The following PPP1R12B variants were observed in gnomAD, a reference collection of about 807,000 sequenced individuals.
The protein encoded by PPP1R12B is protein phosphatase 1 regulatory subunit 12B, also known as myosin phosphatase target subunit 2.
In PPP1R12B, 76 loss-of-function variants were observed where a neutral mutation model predicts 126.1. The ratio of observed to expected loss-of-function variants is 0.60; its 90% CI spans 0.50 to 0.73. The LOEUF is 0.73. Among genes scored for constraint, PPP1R12B ranks in the 30% least tolerant of loss-of-function variants. The pLI is 0.00. For synonymous variants in PPP1R12B, 356 were observed against 434.7 expected, an observed-to-expected ratio of 0.82 and a Z score of 2.25; for missense variants, 1,052 against 1,205.1, an observed-to-expected ratio of 0.87 and a Z score of 1.88.
intron 18 of PPP1R12B, among the ~76,000 whole-genome samples, chr1:202,512,694 G>A (rs151125491): frequency 3.0e-4 from 46 of 152,250 alleles, no homozygotes; most frequent in Non-Finnish European, 3.4e-4. Flanking sequence ...CAGCTCATAT[G>A]GTAGTATTTC....
intron 18 of PPP1R12B, among the ~76,000 whole-genome samples, chr1:202,505,498 G>A (rs1680706479): frequency 6.6e-6 from 1 of 151,998 alleles, no homozygotes; most frequent in Non-Finnish European, 1.5e-5. Context: ...TCTGCTGGAG[G>A]GTATCCAGCA....
At chr1:202,412,809 CA>C (rs1667585544) in intron 1 of PPP1R12B, among the ~76,000 whole-genome samples, 1 of 151,672 alleles carries the variant, frequency 6.6e-6, no homozygotes, top group South Asian at 2.1e-4. Flanking sequence ...CGTTTATTTA[CA>C]AAAAAGAAAA....
chr1:202,445,276 C>T, intron 12 of PPP1R12B: 1 of 1,203,216 alleles, frequency 8.3e-7, no homozygotes, highest in African/African-American at 1.6e-5. Flanking sequence ...AAGTTAATGG[C>T]TCTGAAAACA....
At position 202,495,558 on chromosome 1, in the gene PPP1R12B, A is replaced by T. The variant is rs1301766339; in HGVS notation, c.2336-12A>T. On this transcript the variant is annotated splice_polypyrimidine_tract_variant and intron_variant, in intron 16 of 23. Coordinates refer to ENST00000608999, the MANE Select transcript of PPP1R12B (RefSeq NM_002481.4). ...ATTCTTAAAGTTCATACTTTATTTT[A>T]TCTCTGGCCAGAGAATGAAGAAGCA... 32 of 1,613,330 alleles carry T rather than the reference A, an allele frequency of 2.0e-5. No individual in the cohort carries two copies. Among genetic ancestry groups the T allele is most frequent in the Non-Finnish European group, 2.7e-5 (32 of 1,179,334 alleles).
At chr1:202,548,769 G>A (rs1015199077) in intron 18 of PPP1R12B, among the ~76,000 whole-genome samples, 4 of 102,906 alleles carry the variant, frequency 3.9e-5, no homozygotes, top group African/African-American at 7.3e-5. Flanking sequence ...TCGCTCACTC[G>A]CTCGCTGTCT....
intron 18 of PPP1R12B, among the ~76,000 whole-genome samples, chr1:202,536,412 G>A (rs187532442): frequency 4.6e-5 from 7 of 152,204 alleles, no homozygotes; most frequent in Admixed American, 4.6e-4. Context: ...TAAAAATACT[G>A]GGTAAAAGAT....
chr1:202,365,315 G>T (rs536498136), intron 1 of PPP1R12B, among the ~76,000 whole-genome samples: 1 of 152,098 alleles, frequency 6.6e-6, no homozygotes, highest in East Asian at 1.9e-4. Flanking sequence ...AATTGTGGTC[G>T]CCTGCAGTTG....
intron 1 of PPP1R12B, among the ~76,000 whole-genome samples, chr1:202,402,428 G>T (rs1444695846): frequency 6.6e-6 from 1 of 152,172 alleles, no homozygotes; most frequent in Non-Finnish European, 1.5e-5. Flanking sequence ...GCAGTCTGAA[G>T]TTTGGACTAC....
intron 1 of PPP1R12B, among the ~76,000 whole-genome samples, chr1:202,361,471 A>C (rs1472393353): frequency 2.6e-5 from 4 of 152,180 alleles, no homozygotes; most frequent in Non-Finnish European, 5.9e-5. Flanking sequence ...TCTCCTGTGA[A>C]GAGAAGAACT....
intron 1 of PPP1R12B, among the ~76,000 whole-genome samples, chr1:202,354,400 G>A (rs1401455419): frequency 6.6e-6 from 1 of 152,086 alleles, no homozygotes; most frequent in African/African-American, 2.4e-5. Context: ...GCAAAACCTT[G>A]TCTTTACAAA....
At chr1:202,382,875 CA>C (rs764971866) in intron 1 of PPP1R12B, among the ~76,000 whole-genome samples, 3,389 of 85,016 alleles carry the variant, frequency 0.04, 23 homozygotes, top group Middle Eastern at 0.11. Context: ...GACTCTGTCT[CA>C]AAAAAAAAAA....
intron 13 of PPP1R12B, among the ~76,000 whole-genome samples, chr1:202,488,151 G>A (rs1244146802): frequency 2.6e-5 from 4 of 152,294 alleles, no homozygotes; most frequent in East Asian, 3.9e-4. Context: ...CATAAACACC[G>A]TGATATCACA....
At chr1:202,525,475 A>G (rs1373290308) in intron 18 of PPP1R12B, among the ~76,000 whole-genome samples, 1 of 152,106 alleles carries the variant, frequency 6.6e-6, no homozygotes, top group Non-Finnish European at 1.5e-5. Context: ...AGAACTGACC[A>G]TTGATTTTGA....
chr1:202,348,704 T>G lies in PPP1R12B; in HGVS notation c.-148T>G. ...AGCCGAGGGAGCGTGCGGGCGGTAC[T>G]ACTGGCGGGAGGAGTAAAGATGGCG... On this transcript the variant is annotated 5_prime_UTR_variant, in exon 1 of 24. Coordinates refer to ENST00000608999, the MANE Select transcript of PPP1R12B (RefSeq NM_002481.4). The G allele has an allele frequency of 9.9e-7, 1 of 1,008,372 alleles. No homozygotes were observed. The highest frequency in any genetic ancestry group is 1.4e-6 in the Non-Finnish European group (1 of 702,932). 62.5% of individuals were successfully genotyped at this position (1,008,372 alleles called of 1,614,324 possible). A position where few individuals can be genotyped will look rare whatever the true frequency, so the allele number is the denominator to read the frequency against.
At chr1:202,439,707 G>A (rs1461589790) in intron 10 of PPP1R12B, 8 of 598,980 alleles carry the variant, frequency 1.3e-5, no homozygotes, top group African/African-American at 3.7e-5. Flanking sequence ...TGGGGGTTGT[G>A]CAGCCCAGCC....
At chr1:202,485,476 ACT>A (rs1677978187) in intron 13 of PPP1R12B, among the ~76,000 whole-genome samples, 1 of 151,750 alleles carries the variant, frequency 6.6e-6, no homozygotes, top group South Asian at 2.1e-4. Context: ...TATGAACTCT[ACT>A]CTCCAAACTG....
intron 1 of PPP1R12B, among the ~76,000 whole-genome samples, chr1:202,391,566 T>G (rs898040576): frequency 6.7e-6 from 1 of 149,950 alleles, no homozygotes; most frequent in Non-Finnish European, 1.5e-5. Flanking sequence ...TCTACTCAGG[T>G]GTATTGAAGA....
intron 1 of PPP1R12B, among the ~76,000 whole-genome samples, chr1:202,374,699 C>G (rs1212087678): frequency 6.6e-6 from 1 of 151,616 alleles, no homozygotes; most frequent in East Asian, 2.0e-4. Context: ...CAGGGTTTCA[C>G]CATGTTGCCC....
intron 1 of PPP1R12B, among the ~76,000 whole-genome samples, chr1:202,406,082 A>G (rs115392037): frequency 0.01 from 1,595 of 152,320 alleles, 20 homozygotes; most frequent in Non-Finnish European, 0.015. Context: ...CTTGACAGCT[A>G]TGAAGCATTG....
Sources: gnomAD v4.1 joint callset for allele counts (sites outside exome capture counted in the v4.1 genomes callset) on GRCh38, gnomAD v4.1.1 for gene constraint, MANE v1.5 for transcripts, NCBI Gene and HGNC (gene_info 2026-07-23, HGNC 2026-07-21) for gene names.